The following ATXN10 variants were observed in gnomAD, a reference collection of about 807,000 sequenced individuals.
ATXN10 encodes the protein ataxin 10.
Under a neutral mutation model 52.9 loss-of-function variants are expected in ATXN10, and 28 were observed. The observed-to-expected ratio is 0.53, with a 90% CI of 0.39 to 0.73. ATXN10 has a LOEUF of 0.73. ATXN10 is among the 30% of genes least tolerant of loss of function. ATXN10 has a pLI of 0.00. For missense variants in ATXN10, 565 were observed against 577.0 expected (o/e 0.98, Z 0.21); for synonymous variants, 226 against 221.5 (o/e 1.02, Z -0.18).
intron 10 of ATXN10, among the ~76,000 whole-genome samples, chr22:45,815,251 A>T (rs768636012): frequency 1.3e-5 from 2 of 152,196 alleles, no homozygotes; most frequent in Non-Finnish European, 2.9e-5. Context: ...CATGTACTGT[A>T]CAGTTCATCT....
rs1385829129 is a variant in ATXN10, at chr22:45,757,029, C to T, written c.1173+16491C>T. 6.6e-6 allele frequency among the ~76,000 whole-genome samples: 1 copy of T among 152,264 alleles called. No individual in the cohort carries two copies. Among genetic ancestry groups the T allele is most frequent in the South Asian group, 2.1e-4 (1 of 4,824 alleles). ...GAGTGGAGAAGAACCAGACGAGAGA[C>T]ACGGTTCCAGATGCTTTCCCAAGTG... On this transcript the variant is annotated intron_variant, in intron 9 of 11. Transcript: ENST00000252934. This position sits in a 1 kb window ranked among gnomAD's most constrained non-coding sequence, Gnocchi z 4.6.
Position 45,818,833 on chromosome 22 carries a change from A to G in ATXN10, c.1237+11811A>G, listed in dbSNP as rs183229326. ...AAAACAGAAACAAAACTGTATGTGG[A>G]CACTGATTGCCTGTTCCTAAGGACC... On this transcript the variant is annotated intron_variant, in intron 10 of 11. Transcript: ENST00000252934. The surrounding 1 kb of genome is among the most constrained non-coding windows in gnomAD (Gnocchi z 4.6). Among the ~76,000 whole-genome samples, 78 of 152,240 alleles carry G rather than the reference A, an allele frequency of 5.1e-4. No homozygotes were observed. Among genetic ancestry groups the G allele is most frequent in the Non-Finnish European group, 2.2e-4 (15 of 68,002 alleles).
chr22:45,685,378 G>A (rs1341689533), intron 1 of ATXN10, among the ~76,000 whole-genome samples: 2 of 152,194 alleles, frequency 1.3e-5, no homozygotes, highest in Non-Finnish European at 2.9e-5. Flanking sequence ...TAATAGGAAT[G>A]TCTAACGGTT....
Position 45,701,894 on chromosome 22 carries a change from G to A in ATXN10, c.489-795G>A, listed in dbSNP as rs1923855818. On this transcript the variant is annotated intron_variant, in intron 4 of 11. Transcript: ENST00000252934. The surrounding 1 kb of genome is among the most constrained non-coding windows in gnomAD (Gnocchi z 4.2). Reference sequence around the variant, plus strand: ...TGCTTTTAGATGATCTCATTTGATCGTCATTAAAAACCCTGTGAAATAGAG... The same window carrying A: ...TGCTTTTAGATGATCTCATTTGATCATCATTAAAAACCCTGTGAAATAGAG... Among the ~76,000 whole-genome samples the A allele has an allele frequency of 1.3e-5, 2 of 152,264 alleles. 1 individual carries two copies. The highest frequency in any genetic ancestry group is 6.8e-3 in the Middle Eastern group (2 of 294).
intron 8 of ATXN10, among the ~76,000 whole-genome samples, chr22:45,739,644 G>A (rs1925432964): frequency 2.0e-5 from 3 of 152,214 alleles, no homozygotes; most frequent in African/African-American, 7.2e-5. Flanking sequence ...AGCCAGGGTC[G>A]ATGTGGGTTG....
intron 9 of ATXN10, among the ~76,000 whole-genome samples, chr22:45,794,943 C>T (rs896349388): frequency 6.6e-6 from 1 of 152,184 alleles, no homozygotes; most frequent in Admixed American, 6.5e-5. Context: ...GTAATTGGCT[C>T]TTTAAAGTAA....
chr22:45,776,376 G>C (rs1926955092), intron 9 of ATXN10, among the ~76,000 whole-genome samples: 1 of 152,144 alleles, frequency 6.6e-6, no homozygotes, highest in Non-Finnish European at 1.5e-5. Context: ...GTCTGCAGGT[G>C]TGATGCGTGA....
Position 45,690,428 on chromosome 22 carries a change from C to T in ATXN10, c.308+525C>T, listed in dbSNP as rs913810548. On this transcript the variant is annotated intron_variant, in intron 2 of 11. Transcript: ENST00000252934. The surrounding 1 kb of genome is among the most constrained non-coding windows in gnomAD (Gnocchi z 4.5). ...GTATAAAATAATGGAGTGTGTTTAACATTAGGGGTTAGATTTCTTGTTTGT... is the reference window on the plus strand; with the variant it reads ...GTATAAAATAATGGAGTGTGTTTAATATTAGGGGTTAGATTTCTTGTTTGT... 6.6e-6 allele frequency among the ~76,000 whole-genome samples: 1 copy of T among 152,064 alleles called. No individual in the cohort carries two copies. The highest frequency in any genetic ancestry group is 2.4e-5 in the African/African-American group (1 of 41,392).
At chr22:45,806,434 T>C (rs536548860) in intron 9 of ATXN10, among the ~76,000 whole-genome samples, 21 of 152,340 alleles carry the variant, frequency 1.4e-4, no homozygotes, top group African/African-American at 4.8e-4. Context: ...TATATTAAAA[T>C]ATTAATCCTT....
At chr22:45,702,615 A>G (rs555311389) in intron 4 of ATXN10, 74 bp from the exon 5 acceptor site, 259 of 1,407,290 alleles carry the variant, frequency 1.8e-4, no homozygotes, top group East Asian at 4.6e-4. Flanking sequence ...GAATTTGACA[A>G]TGGTATTACT....
At position 45,684,812 on chromosome 22, in the gene ATXN10, A is replaced by G. The variant is rs1013362125; in HGVS notation, c.117-4900A>G. Among the ~76,000 whole-genome samples the G allele has an allele frequency of 6.6e-6, 1 of 152,188 alleles. No individual in the cohort carries two copies. ...TTTTGAGTTCTGCGCAGATTTCAAA[A>G]TTTTACCCTAGGCTGTTTGTGGCAG... On this transcript the variant is annotated intron_variant, in intron 1 of 11. Transcript: ENST00000252934. The surrounding 1 kb of genome is among the most constrained non-coding windows in gnomAD (Gnocchi z 4.1).
Position 45,841,215 on chromosome 22 carries a change from C to T in ATXN10, c.1238-1776C>T, listed in dbSNP as rs1158792733. Among the ~76,000 whole-genome samples, 2 of 152,224 alleles carry T rather than the reference C, an allele frequency of 1.3e-5. No homozygotes were observed. Among genetic ancestry groups the T allele is most frequent in the Non-Finnish European group, 2.9e-5 (2 of 68,042 alleles). ...GCCATATAAAGGACCTGGACTTTGT[C>T]ACGAGAGAATGACAGATAAATGACA... On this transcript the variant is annotated intron_variant, in intron 10 of 11. Transcript: ENST00000252934. This position sits in a 1 kb window ranked among gnomAD's most constrained non-coding sequence, Gnocchi z 5.1.
In ATXN10 at chr22:45,826,485, A is replaced by G. The variant is rs77512610; in HGVS notation, c.1238-16506A>G. On this transcript the variant is annotated intron_variant, in intron 10 of 11. Transcript: ENST00000252934. This position sits in a 1 kb window ranked among gnomAD's most constrained non-coding sequence, Gnocchi z 5.0. Reference sequence around the variant, plus strand: ...AGTTAAGATGAACTCAAGGAGACATATTATAGTCAGAGTTTTGAAAGACAG... The same window carrying G: ...AGTTAAGATGAACTCAAGGAGACATGTTATAGTCAGAGTTTTGAAAGACAG... 3.8e-3 allele frequency among the ~76,000 whole-genome samples: 572 copies of G among 152,306 alleles called. 8 individuals are homozygous for G. The highest frequency in any genetic ancestry group is 0.013 in the African/African-American group (535 of 41,586).
Position 45,712,131 on chromosome 22 carries a change from C to G in ATXN10, c.648-6282C>G, listed in dbSNP as rs1924273190. Reference sequence around the variant, plus strand: ...GGCTCTTTTTGGGTCACATTGTCATCCCTGGGGCAGTGCTGTTTGTTAGGG... The same window carrying G: ...GGCTCTTTTTGGGTCACATTGTCATGCCTGGGGCAGTGCTGTTTGTTAGGG... On this transcript the variant is annotated intron_variant, in intron 5 of 11. Transcript: ENST00000252934. This position sits in a 1 kb window ranked among gnomAD's most constrained non-coding sequence, Gnocchi z 4.6. 6.6e-6 allele frequency among the ~76,000 whole-genome samples: 1 copy of G among 152,134 alleles called. No individual in the cohort carries two copies.
At chr22:45,821,766 C>T (rs1271823976) in intron 10 of ATXN10, among the ~76,000 whole-genome samples, 1 of 152,218 alleles carries the variant, frequency 6.6e-6, no homozygotes, top group Non-Finnish European at 1.5e-5. Flanking sequence ...AGATCCCCCT[C>T]ACACTTCAGG....
intron 9 of ATXN10, chr22:45,793,531 A>G: frequency 8.1e-7 from 1 of 1,241,824 alleles, no homozygotes; most frequent in Non-Finnish European, 1.0e-6. Flanking sequence ...TCTTTAACAA[A>G]TAATTCTGTC....
Position 45,681,493 on chromosome 22 carries a change from A to G in ATXN10, c.117-8219A>G, listed in dbSNP as rs188697685. On this transcript the variant is annotated intron_variant, in intron 1 of 11. Transcript: ENST00000252934. This position sits in a 1 kb window ranked among gnomAD's most constrained non-coding sequence, Gnocchi z 4.2. ...TTTCATTCCCCTTCTTAATGTTCACATTCCCATCTTGATCTGGCTTAGATC... is the reference window on the plus strand; with the variant it reads ...TTTCATTCCCCTTCTTAATGTTCACGTTCCCATCTTGATCTGGCTTAGATC... 6.6e-6 allele frequency among the ~76,000 whole-genome samples: 1 copy of G among 152,242 alleles called. No homozygotes were observed. Among genetic ancestry groups the G allele is most frequent in the East Asian group, 1.9e-4 (1 of 5,174 alleles).
At chr22:45,736,165 T>C (rs141326746) in intron 7 of ATXN10, among the ~76,000 whole-genome samples, 1 of 152,118 alleles carries the variant, frequency 6.6e-6, no homozygotes, top group Non-Finnish European at 1.5e-5. Flanking sequence ...ATTTCAAACA[T>C]AGACTAAGAA....
intron 5 of ATXN10, among the ~76,000 whole-genome samples, chr22:45,707,461 G>A (rs1229949871): frequency 6.6e-6 from 1 of 152,036 alleles, no homozygotes; most frequent in Admixed American, 6.5e-5. Context: ...GTATGCAAAT[G>A]TAACATGACA....
Sources: allele counts gnomAD v4.1 joint callset (sites outside exome capture counted in the v4.1 genomes callset), GRCh38; gene constraint gnomAD v4.1.1; non-coding constraint Gnocchi (gnomAD v3.1); transcripts MANE v1.5; gene names NCBI Gene and HGNC (gene_info 2026-07-23, HGNC 2026-07-21).